FRMD4A: variants seen among roughly 807,000 people sequenced by gnomAD.
FRMD4A encodes the protein FERM domain containing 4A.
Under a neutral mutation model 129.1 loss-of-function variants are expected in FRMD4A, and 29 were observed. The ratio of observed to expected loss-of-function variants is 0.22; its 90% CI spans 0.17 to 0.31. FRMD4A has a LOEUF of 0.31. Ranked by LOEUF, FRMD4A falls within the 10% of genes least tolerant of loss-of-function variation. The pLI, the probability that FRMD4A is intolerant of heterozygous loss-of-function variation, is 1.00. For synonymous variants in FRMD4A, 634 were observed against 571.6 expected (o/e 1.11, Z -1.56); for missense variants, 1,272 against 1,375.8 (o/e 0.92, Z 1.19).
intron 23 of FRMD4A, 49 bp from the exon 24 acceptor site, chr10:13,652,023 G>A (rs1276550804): frequency 1.0e-6 from 1 of 956,156 alleles, no homozygotes; most frequent in Non-Finnish European, 1.7e-6. Flanking sequence ...TCATGTTACA[G>A]AGAGACACTG....
chr10:14,184,662 G>A (rs1219715404), intron 2 of FRMD4A, among the ~76,000 whole-genome samples: 8 of 152,208 alleles, frequency 5.3e-5, no homozygotes, highest in East Asian at 3.9e-4. Flanking sequence ...CGTCCAGGCC[G>A]GGCAGAGCAT....
At chr10:14,255,629 C>G (rs1284366105) in intron 2 of FRMD4A, among the ~76,000 whole-genome samples, 1 of 152,118 alleles carries the variant, frequency 6.6e-6, no homozygotes, top group Non-Finnish European at 1.5e-5. Context: ...AACCTGCCCT[C>G]GAACTGCAGC....
At chr10:13,669,071 T>TA (rs1484963671) in intron 17 of FRMD4A, among the ~76,000 whole-genome samples, 6 of 147,390 alleles carry the variant, frequency 4.1e-5, no homozygotes, top group African/African-American at 1.5e-4. Context: ...TTTTTTTTTT[T>TA]TTTTTTTTTT....
At chr10:13,721,752 C>G (rs1177656378) in intron 12 of FRMD4A, among the ~76,000 whole-genome samples, 3 of 152,208 alleles carry the variant, frequency 2.0e-5, no homozygotes, top group African/African-American at 7.2e-5. Context: ...GGCAAGCACT[C>G]TCTCATAGAC....
chr10:14,321,689 A>G (rs1206902214), intron 2 of FRMD4A, among the ~76,000 whole-genome samples: 1 of 152,238 alleles, frequency 6.6e-6, no homozygotes, highest in Non-Finnish European at 1.5e-5. Context: ...ACACTCTAGA[A>G]AAAGTACAGA....
At chr10:13,974,157 G>A (rs1010399222) in intron 2 of FRMD4A, among the ~76,000 whole-genome samples, 5 of 151,600 alleles carry the variant, frequency 3.3e-5, no homozygotes, top group Admixed American at 6.6e-5. Flanking sequence ...TTTATTCTAC[G>A]ACGAAGTAAA....
intron 2 of FRMD4A, among the ~76,000 whole-genome samples, chr10:14,138,767 GAAA>G (rs201344017): frequency 0.024 from 3,575 of 150,022 alleles, 65 homozygotes; most frequent in South Asian, 0.037. Context: ...AAAAAAAAAA[GAAA>G]AAAAGAAAAA....
chr10:14,038,664 C>T (rs1039333910), intron 2 of FRMD4A, among the ~76,000 whole-genome samples: 4 of 152,166 alleles, frequency 2.6e-5, no homozygotes, highest in African/African-American at 9.7e-5. Context: ...ATCTCATAGA[C>T]GATCAGCAGG....
At chr10:13,921,840 G>A (rs1314934237) in intron 2 of FRMD4A, among the ~76,000 whole-genome samples, 6 of 152,208 alleles carry the variant, frequency 3.9e-5, no homozygotes, top group Non-Finnish European at 7.4e-5. Context: ...ATTTCCCTCC[G>A]TGTATGTTAA....
rs372001717 is a variant in FRMD4A at position 13,657,039 on chromosome 10, C to T, written c.2550G>A (p.Val850=). The T allele has an allele frequency of 1.9e-6, 3 of 1,571,166 alleles. No homozygotes were observed. Among genetic ancestry groups the T allele is most frequent in the African/African-American group, 2.8e-5 (2 of 72,250 alleles). ...CCTCCTGGTCGCTCTCCAGGCTGCG[C>T]ACCACCACGGGCGTGGCGCCGCCCT... The part of the protein sequence containing the change: ...YIEGGATPVV[V]RSLESDQEGH... Residue 850 remains valine, a synonymous_variant, in exon 22 of 25, where the codon GTG becomes GTA. Transcript: ENST00000357447.
intron 3 of FRMD4A, among the ~76,000 whole-genome samples, chr10:13,823,036 C>A (rs2093652022): frequency 6.6e-6 from 1 of 152,178 alleles, no homozygotes; most frequent in Non-Finnish European, 1.5e-5. Context: ...CACATAGTTT[C>A]TTCCATATTT....
intron 2 of FRMD4A, among the ~76,000 whole-genome samples, chr10:13,979,425 C>T (rs931163813): frequency 6.6e-6 from 1 of 152,164 alleles, no homozygotes; most frequent in Non-Finnish European, 1.5e-5. Context: ...ATAATTAACA[C>T]TTCCTTTCCA....
intron 5 of FRMD4A, among the ~76,000 whole-genome samples, chr10:13,784,889 G>A (rs1458097307): frequency 2.6e-5 from 4 of 151,810 alleles, no homozygotes; most frequent in African/African-American, 7.3e-5. Context: ...TACTTGGGAG[G>A]CTGAGGCAGA....
At chr10:14,193,201 C>G (rs962988755) in intron 2 of FRMD4A, among the ~76,000 whole-genome samples, 1 of 152,150 alleles carries the variant, frequency 6.6e-6, no homozygotes, top group South Asian at 2.1e-4. Flanking sequence ...AACCAATGAA[C>G]AGTACTTTAC....
intron 2 of FRMD4A, among the ~76,000 whole-genome samples, chr10:14,290,775 CA>C (rs1462256256): frequency 6.6e-6 from 1 of 152,002 alleles, no homozygotes; most frequent in African/African-American, 2.4e-5. Context: ...AAAGGATACT[CA>C]AACACTTTTA....
intron 2 of FRMD4A, among the ~76,000 whole-genome samples, chr10:13,912,764 T>C (rs2094956715): frequency 6.6e-6 from 1 of 152,000 alleles, no homozygotes; most frequent in African/African-American, 2.4e-5. Context: ...CTCCTGACTT[T>C]GTGATCCGCC....
At chr10:14,063,631 C>T (rs1349488238) in intron 2 of FRMD4A, among the ~76,000 whole-genome samples, 1 of 151,806 alleles carries the variant, frequency 6.6e-6, no homozygotes, top group Non-Finnish European at 1.5e-5. Context: ...TTGAAACCCA[C>T]TAGGGTTCAA....
rs1285253589 is a variant in FRMD4A at position 13,714,047 on chromosome 10, T to TAC, written c.760-6935_760-6934insGT. On this transcript the variant is annotated intron_variant, in intron 12 of 24. Coordinates refer to ENST00000357447, the MANE Select transcript of FRMD4A (RefSeq NM_018027.5). ...ATATACATATATATATATATATATA[T>TAC]ATATATATATATAAAATATACTTTT... is the stretch of plus-strand genomic sequence containing the variant. 5.9e-4 allele frequency among the ~76,000 whole-genome samples: 16 copies of TAC among 27,072 alleles called. 4 individuals are homozygous for TAC. Among genetic ancestry groups the TAC allele is most frequent in the Non-Finnish European group, 1.6e-4 (2 of 12,824 alleles). The allele number at this position is 27,072 out of a possible 152,430, so 17.8% of individuals were successfully genotyped here. A position where few individuals can be genotyped will look rare whatever the true frequency, so the allele number is the denominator to read the frequency against.
intron 2 of FRMD4A, among the ~76,000 whole-genome samples, chr10:14,172,034 C>T (rs1399934723): frequency 6.6e-6 from 1 of 152,210 alleles, no homozygotes; most frequent in African/African-American, 2.4e-5. Flanking sequence ...AAAACCAAGC[C>T]TTGCCAATGG....
Sources: allele counts gnomAD v4.1 joint callset (sites outside exome capture counted in the v4.1 genomes callset), GRCh38; gene constraint gnomAD v4.1.1; transcripts MANE v1.5; gene names NCBI Gene and HGNC (gene_info 2026-07-23, HGNC 2026-07-21).